The following IL12RB2 variants were observed in gnomAD, a reference collection of about 807,000 sequenced individuals.
The protein encoded by IL12RB2 is interleukin 12 receptor subunit beta 2, also known as interleukin-12 receptor subunit beta-2.
A neutral mutation model predicts 89.4 loss-of-function variants in IL12RB2; 82 were observed. The observed-to-expected ratio is 0.92, with a 90% CI of 0.77 to 1.10. The LOEUF (loss-of-function observed/expected upper bound fraction) is 1.10, where lower values mean the gene tolerates loss of function less well. IL12RB2 is among the 50% of genes least tolerant of loss of function. IL12RB2 has a pLI of 0.00. For missense variants in IL12RB2, 963 were observed against 1,031.9 expected (o/e 0.93, Z 0.92); for synonymous variants, 368 against 370.1 (o/e 0.99, Z 0.07).
At chr1:67,355,826 A>G (rs1275898364) in intron 10 of IL12RB2, among the ~76,000 whole-genome samples, 3 of 152,208 alleles carry the variant, frequency 2.0e-5, no homozygotes, top group Non-Finnish European at 4.4e-5. Context: ...TTTTGAAGGA[A>G]AGAACATGCC....
chr1:67,313,371 G>A lies in IL12RB2; in HGVS notation c.-124-542G>A, dbSNP rs17838037. Among the ~76,000 whole-genome samples the A allele has an allele frequency of 2.0e-3, 312 of 152,300 alleles. 1 individual carries two copies. The highest frequency in any genetic ancestry group is 7.3e-3 in the African/African-American group (303 of 41,564). On this transcript the variant is annotated intron_variant, in intron 1 of 16. Coordinates refer to ENST00000674203, the MANE Select transcript of IL12RB2 (RefSeq NM_001374259.2). The stretch of plus-strand genomic sequence containing the variant: ...TAGATAGATATCATAAAGATTGTAT[G>A]TAAGGTGCCTAGCATCGTGCCTGAA...
chr1:67,322,360 T>C (rs933374999), intron 4 of IL12RB2, among the ~76,000 whole-genome samples: 1 of 151,116 alleles, frequency 6.6e-6, no homozygotes, highest in Non-Finnish European at 1.5e-5. Flanking sequence ...CTGGTTCTCA[T>C]ACTTAACAGA....
chr1:67,366,945 C>T (rs922794900), intron 10 of IL12RB2, among the ~76,000 whole-genome samples: 1 of 152,196 alleles, frequency 6.6e-6, no homozygotes, highest in African/African-American at 2.4e-5. Context: ...TTAGATTTAT[C>T]TCCCAATACA....
chr1:67,360,978 C>T (rs1661977967), intron 10 of IL12RB2, among the ~76,000 whole-genome samples: 1 of 151,824 alleles, frequency 6.6e-6, no homozygotes, highest in African/African-American at 2.4e-5. Context: ...TACCCAACTC[C>T]AATCCCCTCT....
At chr1:67,378,342 A>G (rs1357449136) in intron 13 of IL12RB2, among the ~76,000 whole-genome samples, 4 of 152,218 alleles carry the variant, frequency 2.6e-5, no homozygotes, top group African/African-American at 9.6e-5. Context: ...AAAAAACAGC[A>G]TCAGTGTATT....
chr1:67,392,460 G>A (rs1484164416), intron 16 of IL12RB2, among the ~76,000 whole-genome samples: 2 of 151,942 alleles, frequency 1.3e-5, no homozygotes, highest in Non-Finnish European at 2.9e-5. Flanking sequence ...AAATGAGGGC[G>A]ATTTTACACA....
chr1:67,372,671 G>C lies in IL12RB2; in HGVS notation c.1605G>C (p.Gly535=), dbSNP rs2229545. ...PHINAITEEK[G]SILISWNSIP... ...TTAATGCCATCACAGAGGAAAAGGG[G>C]AGCATTTTAATTTCATGGAACAGCA... The change falls in exon 13 of 17, where the codon GGG becomes GGC. Residue 535 remains glycine, a synonymous_variant. Coordinates refer to ENST00000674203, the MANE Select transcript of IL12RB2 (RefSeq NM_001374259.2). The C allele has an allele frequency of 6.2e-7, 1 of 1,613,024 alleles. No individual in the cohort carries two copies. Among genetic ancestry groups the C allele is most frequent in the South Asian group, 1.1e-5 (1 of 91,066 alleles).
intron 11 of IL12RB2, among the ~76,000 whole-genome samples, chr1:67,372,063 G>GGAGC (rs1553125547): frequency 3.5e-5 from 3 of 84,650 alleles, no homozygotes; most frequent in African/African-American, 1.0e-4. Context: ...AAGCAGTCTG[G>GGAGC]GTGCGTGTGT....
intron 8 of IL12RB2, among the ~76,000 whole-genome samples, chr1:67,332,024 T>G (rs1252032315): frequency 6.6e-6 from 1 of 152,210 alleles, no homozygotes; most frequent in Admixed American, 6.5e-5. Flanking sequence ...TGGATATGTG[T>G]GCATGTAAAC....
rs753432150 is a variant in IL12RB2, at chr1:67,370,265, G to A, written c.1460-2171G>A. On this transcript the variant is annotated intron_variant, in intron 11 of 16. Transcript: ENST00000674203. ...CCCAGCATCTGGCTGGGGCAGATTTGGACATTTTGGAGTGGGCCAGAATAC... is the reference window on the plus strand; with the variant it reads ...CCCAGCATCTGGCTGGGGCAGATTTAGACATTTTGGAGTGGGCCAGAATAC... 5.9e-5 allele frequency among the ~76,000 whole-genome samples: 9 copies of A among 152,158 alleles called. No homozygotes were observed. In the South Asian group the frequency reaches 6.2e-4, roughly 11 times the overall value.
intron 16 of IL12RB2, among the ~76,000 whole-genome samples, chr1:67,393,850 T>C (rs1666083321): frequency 6.6e-6 from 1 of 151,682 alleles, no homozygotes; most frequent in Admixed American, 6.6e-5. Flanking sequence ...GTCCCCAGGG[T>C]GTGCCTTGTC....
chr1:67,368,155 A>T, intron 11 of IL12RB2, 130 bp downstream of exon 11: 2 of 706,734 alleles, frequency 2.8e-6, no homozygotes, highest in Non-Finnish European at 5.1e-6. Flanking sequence ...GATGACCTAG[A>T]GTCCACCCAG....
chr1:67,395,780 C>A lies in IL12RB2; in HGVS notation c.2280C>A (p.Ser760Arg). 6.2e-7 allele frequency: 1 copy of A among 1,614,026 alleles called. No homozygotes were observed. The highest frequency in any genetic ancestry group is 8.5e-7 in the Non-Finnish European group (1 of 1,179,840). ...CTCCAAGAGCTCTCCAAGCTGAGAG[C>A]AGACAACTGGTGGATCTGTACAAGG... ...PPPPRALQAE[S>R]RQLVDLYKVL... The change falls in exon 17 of 17, where the codon AGC becomes AGA. Residue 760 changes from serine (S) to arginine (R), a missense_variant. By Grantham distance (110) the Ser-to-Arg change is moderately radical. Coordinates refer to ENST00000674203, the MANE Select transcript of IL12RB2 (RefSeq NM_001374259.2).
At chr1:67,341,584 A>AAAAG (rs1407517386) in intron 9 of IL12RB2, among the ~76,000 whole-genome samples, 1 of 145,662 alleles carries the variant, frequency 6.9e-6, no homozygotes, top group African/African-American at 2.6e-5. Flanking sequence ...AGAAAGAAAG[A>AAAAG]AAAGAAAGGA....
intron 11 of IL12RB2, among the ~76,000 whole-genome samples, chr1:67,369,775 C>T (rs1030268417): frequency 1.3e-5 from 2 of 152,064 alleles, no homozygotes; most frequent in African/African-American, 4.8e-5. Flanking sequence ...CGCGGTGGCT[C>T]ACGCCTGTAA....
At chr1:67,337,913 AAAAAGAAAAG>A (rs746289063) in intron 8 of IL12RB2, among the ~76,000 whole-genome samples, 2 of 144,750 alleles carry the variant, frequency 1.4e-5, no homozygotes, top group South Asian at 2.2e-4. Context: ...AAAAAAAAAA[AAAAAGAAAAG>A]AAAAGAAAAG....
chr1:67,389,944 C>T, intron 15 of IL12RB2, 85 bp from the exon 16 acceptor site: 1 of 790,482 alleles, frequency 1.3e-6, no homozygotes, highest in Non-Finnish European at 2.3e-6. Flanking sequence ...GCAGCCCTTA[C>T]ACTGAAGTTA....
At chr1:67,319,964 C>T (rs991173763) in intron 2 of IL12RB2, among the ~76,000 whole-genome samples, 2 of 152,180 alleles carry the variant, frequency 1.3e-5, no homozygotes, top group African/African-American at 4.8e-5. Context: ...AGTGGACCCT[C>T]ACCAGACCCT....
At chr1:67,366,295 T>C (rs967648279) in intron 10 of IL12RB2, among the ~76,000 whole-genome samples, 3 of 151,556 alleles carry the variant, frequency 2.0e-5, no homozygotes, top group Admixed American at 6.6e-5. Flanking sequence ...CTACCAAAAA[T>C]ACAAAATTAG....
Sources: allele counts gnomAD v4.1 joint callset (sites outside exome capture counted in the v4.1 genomes callset), GRCh38; gene constraint gnomAD v4.1.1; transcripts MANE v1.5; gene names NCBI Gene and HGNC (gene_info 2026-07-23, HGNC 2026-07-21).